The following VGLL4 variants were observed in gnomAD, a reference collection of about 807,000 sequenced individuals.
VGLL4 encodes vestigial like family member 4.
Under a neutral mutation model 21.0 loss-of-function variants are expected in VGLL4, and 7 were observed. The ratio of observed to expected loss-of-function variants is 0.33; its 90% CI spans 0.19 to 0.63. The LOEUF (loss-of-function observed/expected upper bound fraction) is 0.63, where lower values mean the gene tolerates loss of function less well. Ranked by LOEUF, VGLL4 falls within the 20% of genes least tolerant of loss-of-function variation. The pLI is 0.78. For missense variants in VGLL4, 394 were observed against 425.7 expected, an observed-to-expected ratio of 0.93 and a Z score of 0.66; for synonymous variants, 222 against 173.2, an observed-to-expected ratio of 1.28 and a Z score of -2.21.
chr3:11,693,504 A>G (rs1441584825), intron 2 of VGLL4, among the ~76,000 whole-genome samples: 4 of 152,050 alleles, frequency 2.6e-5, no homozygotes, highest in Non-Finnish European at 5.9e-5. Context: ...TCCCCATGAC[A>G]CTCCCTTCTA....
chr3:11,625,370 TG>T (rs1410617225), intron 1 of VGLL4, among the ~76,000 whole-genome samples: 2 of 152,256 alleles, frequency 1.3e-5, no homozygotes, highest in African/African-American at 4.8e-5. Flanking sequence ...TAATACATTA[TG>T]GTTTCAGCTG....
At chr3:11,689,750 A>T (rs1343445234) in intron 2 of VGLL4, among the ~76,000 whole-genome samples, 1 of 152,258 alleles carries the variant, frequency 6.6e-6, no homozygotes, top group Non-Finnish European at 1.5e-5. Flanking sequence ...CTCCTGGGGA[A>T]GGCCAGCTAC....
At chr3:11,643,384 G>C (rs1190320726) in intron 1 of VGLL4, 53 bp downstream of exon 1, 1 of 1,613,478 alleles carries the variant, frequency 6.2e-7, no homozygotes, top group Non-Finnish European at 8.5e-7. Context: ...AGCACACTGA[G>C]GAGGAGTGGC....
At chr3:11,563,665 C>A (rs1378953118) in intron 3 of VGLL4, among the ~76,000 whole-genome samples, 1 of 152,238 alleles carries the variant, frequency 6.6e-6, no homozygotes, top group Non-Finnish European at 1.5e-5. Context: ...CATCAGCGAT[C>A]TCTCCTCCAG....
intron 1 of VGLL4, among the ~76,000 whole-genome samples, chr3:11,620,570 A>T (rs1304311771): frequency 2.0e-5 from 3 of 151,830 alleles, no homozygotes; most frequent in Non-Finnish European, 4.4e-5. Flanking sequence ...CACTACCAAA[A>T]CTCTCCTTCT....
In VGLL4 at chr3:11,565,670, C is replaced by T. The variant is rs761263183; in HGVS notation, c.273-651G>A. ...GCGCAGCTCTCTCGTCCAGGACACA[C>T]GAGCAGGAGTGACCTGCGTCCAGAA... On this transcript the variant is annotated intron_variant, in intron 2 of 4. Transcript: ENST00000430365. The surrounding 1 kb of genome is among the most constrained non-coding windows in gnomAD (Gnocchi z 4.1). 3.3e-4 allele frequency among the ~76,000 whole-genome samples: 50 copies of T among 152,304 alleles called. No individual in the cohort carries two copies. The Middle Eastern group carries it at 0.014, about 41-fold the overall frequency.
intron 1 of VGLL4, among the ~76,000 whole-genome samples, chr3:11,614,187 A>G (rs2075115689): frequency 6.6e-6 from 1 of 152,188 alleles, no homozygotes; most frequent in East Asian, 1.9e-4. Flanking sequence ...CTCTCTGCCA[A>G]TGCATACTCA....
At chr3:11,657,107 A>C (rs971748644) in intron 2 of VGLL4, among the ~76,000 whole-genome samples, 9 of 152,166 alleles carry the variant, frequency 5.9e-5, no homozygotes, top group African/African-American at 1.9e-4. Context: ...TCCAGTTCCC[A>C]GGCCATAACC....
intron 1 of VGLL4, among the ~76,000 whole-genome samples, chr3:11,603,704 C>T (rs1310399676): frequency 6.6e-6 from 1 of 152,168 alleles, no homozygotes; most frequent in Non-Finnish European, 1.5e-5. Context: ...CAGGGTTTCT[C>T]AACACCCCTG....
chr3:11,556,737 C>A lies in VGLL4; in HGVS notation c.*1819G>T, dbSNP rs2072456714. On this transcript the variant is annotated 3_prime_UTR_variant, in exon 5 of 5. Transcript: ENST00000430365. ...ATACCTACAAATTTCTCTGTACATT[C>A]TTTACGCACAGCGTAACGATGGTCT... The A allele has an allele frequency of 6.5e-6, 1 of 152,770 alleles. No homozygotes were observed. The allele number at this position is 152,770 out of a possible 1,614,324, so 9.5% of individuals were successfully genotyped here.
At chr3:11,607,078 C>A (rs973723771) in intron 1 of VGLL4, 2 of 141,402 alleles carry the variant, frequency 1.4e-5, no homozygotes. Flanking sequence ...CCTAGCAATT[C>A]TAGTCCTGGG....
Position 11,557,802 on chromosome 3 carries a change from T to C in VGLL4, c.*754A>G, listed in dbSNP as rs904918160. 6.6e-6 allele frequency: 1 copy of C among 152,630 alleles called. No individual in the cohort carries two copies. Among genetic ancestry groups the C allele is most frequent in the African/African-American group, 2.4e-5 (1 of 41,440 alleles). 9.5% of individuals were successfully genotyped at this position (152,630 alleles called of 1,614,324 possible). On this transcript the variant is annotated 3_prime_UTR_variant, in exon 5 of 5. Coordinates refer to ENST00000430365, the MANE Select transcript of VGLL4 (RefSeq NM_001128219.3). ...TCAGCTCTAGTCTAACAAACTGCAGTGTTCAGAGAAGATAAAATGCCCGTG... is the reference window on the plus strand; with the variant it reads ...TCAGCTCTAGTCTAACAAACTGCAGCGTTCAGAGAAGATAAAATGCCCGTG...
intron 2 of VGLL4, among the ~76,000 whole-genome samples, chr3:11,589,155 T>C (rs1366956129): frequency 1.3e-5 from 2 of 152,188 alleles, no homozygotes; most frequent in South Asian, 4.1e-4. Flanking sequence ...TTCCTGAACC[T>C]GGCAACCAGT....
At chr3:11,595,849 G>GA (rs1559887700) in intron 2 of VGLL4, among the ~76,000 whole-genome samples, 25 of 149,004 alleles carry the variant, frequency 1.7e-4, no homozygotes, top group Non-Finnish European at 3.1e-4. Flanking sequence ...TGTGGGGGGG[G>GA]CGGGGAATAG....
At chr3:11,682,667 G>A (rs192731785) in intron 2 of VGLL4, among the ~76,000 whole-genome samples, 598 of 152,148 alleles carry the variant, frequency 3.9e-3, no homozygotes, top group South Asian at 0.018. Context: ...GTTACAAGGT[G>A]TAGATTTCCA....
At chr3:11,709,679 C>A (rs938754113) in intron 1 of VGLL4, among the ~76,000 whole-genome samples, 1 of 151,826 alleles carries the variant, frequency 6.6e-6, no homozygotes, top group Non-Finnish European at 1.5e-5. Flanking sequence ...ATATGTTCTT[C>A]CAAATAACTA....
chr3:11,558,261 CG>C lies in VGLL4; in HGVS notation c.*294del. On this transcript the variant is annotated 3_prime_UTR_variant, in exon 5 of 5. Transcript: ENST00000430365. ...AAGCGCTGTGGAGTCCTGGCCCCGT[CG>C]GGGCAGCAGACCTGCATCAGAGGTT... 2.0e-6 allele frequency: 1 copy of C among 488,428 alleles called. No individual in the cohort carries two copies. Among genetic ancestry groups the C allele is most frequent in the Middle Eastern group, 5.4e-4 (1 of 1,842 alleles). 30.3% of individuals were successfully genotyped at this position (488,428 alleles called of 1,614,324 possible).
intron 1 of VGLL4, among the ~76,000 whole-genome samples, chr3:11,638,643 T>C (rs1204211801): frequency 6.6e-6 from 1 of 152,162 alleles, no homozygotes; most frequent in Non-Finnish European, 1.5e-5. Flanking sequence ...ACAGATGTTC[T>C]ACCTCGGAAT....
At chr3:11,659,982 A>G (rs1471585760) in intron 2 of VGLL4, among the ~76,000 whole-genome samples, 1 of 152,000 alleles carries the variant, frequency 6.6e-6, no homozygotes, top group Non-Finnish European at 1.5e-5. Flanking sequence ...TAACACGGTG[A>G]AACCCTGTCT....
Sources: allele counts gnomAD v4.1 joint callset (sites outside exome capture counted in the v4.1 genomes callset), GRCh38; gene constraint gnomAD v4.1.1; non-coding constraint Gnocchi (gnomAD v3.1); transcripts MANE v1.5; gene names NCBI Gene and HGNC (gene_info 2026-07-23, HGNC 2026-07-21).